The following ZNF124 variants were observed in gnomAD, a reference collection of about 807,000 sequenced individuals.
The protein encoded by ZNF124 is zinc finger protein 124.
Under a neutral mutation model 26.6 loss-of-function variants are expected in ZNF124, and 25 were observed. The observed-to-expected ratio is 0.94, with a 90% CI of 0.68 to 1.31. ZNF124 has a LOEUF of 1.31. Among genes scored for constraint, ZNF124 ranks in the 40% most tolerant of loss-of-function variants. The pLI, the probability that ZNF124 is intolerant of heterozygous loss-of-function variation, is 0.00. For missense variants in ZNF124, 444 were observed against 422.2 expected, an observed-to-expected ratio of 1.05 and a Z score of -0.45; for synonymous variants, 129 against 133.3, an observed-to-expected ratio of 0.97 and a Z score of 0.22.
intron 3 of ZNF124, among the ~76,000 whole-genome samples, chr1:247,134,614 T>TA (rs1221550893): frequency 6.6e-6 from 1 of 152,164 alleles, no homozygotes; most frequent in African/African-American, 2.4e-5. Context: ...AACAAGTTCT[T>TA]ACAGACCTAC....
chr1:247,147,869 T>C (rs1672827221), intron 3 of ZNF124, among the ~76,000 whole-genome samples: 1 of 147,558 alleles, frequency 6.8e-6, no homozygotes, highest in Admixed American at 6.8e-5. Flanking sequence ...GACATTGAGT[T>C]AGCCCCAAAG....
Position 247,155,900 on chromosome 1 carries a change from T to C in ZNF124, c.*666A>G, listed in dbSNP as rs992711296. 1.4e-5 allele frequency: 13 copies of C among 928,174 alleles called. No individual in the cohort carries two copies. In the African/African-American group the frequency reaches 2.2e-4, roughly 16 times the overall value. 57.5% of individuals were successfully genotyped at this position (928,174 alleles called of 1,614,324 possible). On this transcript the variant is annotated 3_prime_UTR_variant, in exon 4 of 4. Transcript: ENST00000543802. Reference sequence around the variant, plus strand: ...AAGTCTCACCTCAATTTTTTTTTTTTCAAAAGAAGTGAAAATCTATATTCT... The same window carrying C: ...AAGTCTCACCTCAATTTTTTTTTTTCCAAAAGAAGTGAAAATCTATATTCT...
rs1672400737 is a variant in ZNF124 at position 247,132,816 on chromosome 1, A to AC, written c.219-8946dup. Among the ~76,000 whole-genome samples the AC allele has an allele frequency of 5.9e-5, 9 of 151,688 alleles. 1 individual carries two copies. Among genetic ancestry groups the AC allele is most frequent in the Admixed American group, 5.9e-4 (9 of 15,198 alleles). On this transcript the variant is annotated intron_variant, in intron 3 of 3. Transcript: ENST00000472531. Reference sequence around the variant, plus strand: ...CAGTGCATGCAGCCCCCAGTCACATACCCCCTGCTTGCTCAATCAATCACG... The same window carrying AC: ...CAGTGCATGCAGCCCCCAGTCACATACCCCCCTGCTTGCTCAATCAATCACG...
At chr1:247,157,674 TAAAC>T (rs1168783453) in intron 3 of ZNF124, among the ~76,000 whole-genome samples, 2 of 152,216 alleles carry the variant, frequency 1.3e-5, no homozygotes, top group Admixed American at 6.5e-5. Context: ...TTTTCTAACA[TAAAC>T]AAATTGAACA....
intron 3 of ZNF124, among the ~76,000 whole-genome samples, chr1:247,130,203 A>G (rs1435373737): frequency 1.3e-5 from 2 of 152,264 alleles, no homozygotes; most frequent in Admixed American, 6.5e-5. Context: ...AAAGAGGTGT[A>G]TATCAGAAAA....
At chr1:247,122,453 A>C (rs1225675779) in exon 4 of ZNF124, 1 of 152,550 alleles carries the variant, frequency 6.6e-6, no homozygotes, top group Non-Finnish European at 1.5e-5. Context: ...CATGGATTCA[A>C]CCTAAATTCC....
At chr1:247,153,459 G>A (rs1362097940), downstream of ZNF124, among the ~76,000 whole-genome samples, 1 of 152,174 alleles carries the variant, frequency 6.6e-6, no homozygotes, top group Non-Finnish European at 1.5e-5. Context: ...GTCACGGAGT[G>A]CCTTTAACTG....
rs1313370044 is a variant in ZNF124, at chr1:247,159,781, G to T, written c.63C>A (p.Asn21Lys). ...ACAAAGCCCACTCCTCCTGGGTGAA[G>T]TTCACAGCCACATCCTCAAAGGCAA... is the stretch of plus-strand genomic sequence containing the variant. ...NSVAFEDVAV[N>K]FTQEEWALLD... Residue 21 changes from asparagine to lysine, a missense_variant, in exon 2 of 4, where the codon AAC becomes AAA. By Grantham distance (94) the Asn-to-Lys change is moderately conservative. Transcript: ENST00000543802. The T allele has an allele frequency of 6.2e-7, 1 of 1,613,724 alleles. No homozygotes were observed. The highest frequency in any genetic ancestry group is 2.2e-5 in the East Asian group (1 of 44,860).
intron 1 of ZNF124, among the ~76,000 whole-genome samples, chr1:247,165,810 T>C (rs1412211417): frequency 6.6e-6 from 1 of 152,136 alleles, no homozygotes; most frequent in Non-Finnish European, 1.5e-5. Context: ...ACATTATCAC[T>C]CATCACTAAA....
chr1:247,161,725 T>C (rs74315787), intron 1 of ZNF124, among the ~76,000 whole-genome samples: 17,348 of 152,014 alleles, frequency 0.11, 1,265 homozygotes, highest in African/African-American at 0.18. Context: ...ATTTTCTTGG[T>C]AATAAAACAG....
intron 3 of ZNF124, among the ~76,000 whole-genome samples, chr1:247,124,232 C>G (rs1672153615): frequency 6.7e-6 from 1 of 150,056 alleles, no homozygotes; most frequent in Admixed American, 6.6e-5. Context: ...GAGACAGAGT[C>G]TCGCTCTGTC....
In ZNF124 at chr1:247,168,698, G is replaced by T. The variant is rs1439469543; in HGVS notation, c.30+3150C>A. On this transcript the variant is annotated intron_variant, in intron 1 of 3. Coordinates refer to ENST00000543802, the MANE Select transcript of ZNF124 (RefSeq NM_001297568.2). This position sits in a 1 kb window ranked among gnomAD's most constrained non-coding sequence, Gnocchi z 4.0. ...GCCATAAAAAGGAATGAAATAATGG[G>T]CTTTGCAGCAACTTGGATGGAAATG... Among the ~76,000 whole-genome samples, 2 of 152,168 alleles carry T rather than the reference G, an allele frequency of 1.3e-5. No homozygotes were observed. The highest frequency in any genetic ancestry group is 4.8e-5 in the African/African-American group (2 of 41,436).
At chr1:247,132,605 CAAAA>C (rs1361614126) in intron 3 of ZNF124, among the ~76,000 whole-genome samples, 3 of 152,150 alleles carry the variant, frequency 2.0e-5, no homozygotes, top group African/African-American at 7.2e-5. Context: ...ATTTCTGCCT[CAAAA>C]GAAAGAGTAA....
Position 247,168,519 on chromosome 1 carries a change from GTGAGACTC to G in ZNF124, c.30+3321_30+3328del, listed in dbSNP as rs1673907994. Among the ~76,000 whole-genome samples the G allele has an allele frequency of 6.6e-6, 1 of 152,142 alleles. No homozygotes were observed. Among genetic ancestry groups the G allele is most frequent in the Non-Finnish European group, 1.5e-5 (1 of 68,024 alleles). ...ACTGCACTACAGCCTGGGTAACAGA[GTGAGACTC>G]TGTCTCAATTAAAAAACAAACAAAC... On this transcript the variant is annotated intron_variant, in intron 1 of 3. Transcript: ENST00000543802. This position sits in a 1 kb window ranked among gnomAD's most constrained non-coding sequence, Gnocchi z 4.0.
At position 247,135,394 on chromosome 1, in the gene ZNF124, G is replaced by A. The variant is rs900410821; in HGVS notation, c.219-11523C>T. On this transcript the variant is annotated intron_variant, in intron 3 of 3. Coordinates refer to the ZNF124 transcript ENST00000472531. ...CACAGAAATAAAAACTACCATCAGA[G>A]AATACTATAAACACTCAATGCAAAT... 7.9e-5 allele frequency among the ~76,000 whole-genome samples: 12 copies of A among 152,136 alleles called. No individual in the cohort carries two copies. In the South Asian group the frequency reaches 1.2e-3, roughly 16 times the overall value.
chr1:247,165,763 A>G (rs928324194), intron 1 of ZNF124, among the ~76,000 whole-genome samples: 3 of 152,218 alleles, frequency 2.0e-5, no homozygotes, highest in African/African-American at 7.2e-5. Flanking sequence ...AAGGACATGA[A>G]CACTTTTCAA....
chr1:247,124,646 TA>T (rs1185699428), intron 3 of ZNF124, among the ~76,000 whole-genome samples: 71 of 152,250 alleles, frequency 4.7e-4, no homozygotes, highest in Non-Finnish European at 1.6e-4. Flanking sequence ...TCTAATCTAC[TA>T]ATCTACTTTC....
chr1:247,155,888 A>T lies in ZNF124; in HGVS notation c.*678T>A. 8 of 743,038 alleles carry T rather than the reference A, an allele frequency of 1.1e-5. No homozygotes were observed. Among genetic ancestry groups the T allele is most frequent in the South Asian group, 6.2e-5 (1 of 16,246 alleles). The allele number at this position is 743,038 out of a possible 1,614,324, so 46.0% of individuals were successfully genotyped here. ...AAAAAAAAAAAAAAGTCTCACCTCAATTTTTTTTTTTTCAAAAGAAGTGAA... is the reference window on the plus strand; with the variant it reads ...AAAAAAAAAAAAAAGTCTCACCTCATTTTTTTTTTTTTCAAAAGAAGTGAA... On this transcript the variant is annotated 3_prime_UTR_variant, in exon 4 of 4. Coordinates refer to ENST00000543802, the MANE Select transcript of ZNF124 (RefSeq NM_001297568.2).
In ZNF124 at chr1:247,168,236, G is replaced by GA. The variant is rs1229649218; in HGVS notation, c.30+3611dup. On this transcript the variant is annotated intron_variant, in intron 1 of 3. Transcript: ENST00000543802. The surrounding 1 kb of genome is among the most constrained non-coding windows in gnomAD (Gnocchi z 4.0). Reference sequence around the variant, plus strand: ...CCCAAAGGAAAAGAAGTCATTATATGAAAAAAACACGGCTGGGCGTGGTGG... The same window carrying GA: ...CCCAAAGGAAAAGAAGTCATTATATGAAAAAAAACACGGCTGGGCGTGGTGG... Among the ~76,000 whole-genome samples, 1 of 152,148 alleles carries GA rather than the reference G, an allele frequency of 6.6e-6. No homozygotes were observed. Among genetic ancestry groups the GA allele is most frequent in the Non-Finnish European group, 1.5e-5 (1 of 67,998 alleles).
Sources: allele counts gnomAD v4.1 joint callset (sites outside exome capture counted in the v4.1 genomes callset), GRCh38; gene constraint gnomAD v4.1.1; non-coding constraint Gnocchi (gnomAD v3.1); transcripts MANE v1.5; gene names NCBI Gene and HGNC (gene_info 2026-07-23, HGNC 2026-07-21).